Variants in SLC22A11 observed in about 807,000 individuals in gnomAD.
SLC22A11 encodes organic anion transporter 4.
In SLC22A11, 42 loss-of-function variants were observed where a neutral mutation model predicts 49.4. The ratio of observed to expected loss-of-function variants is 0.85; its 90% confidence interval spans 0.66 to 1.10. The LOEUF (loss-of-function observed/expected upper bound fraction) is 1.10. Among genes scored for constraint, SLC22A11 ranks in the 50% least tolerant of loss-of-function variants. The probability of loss-of-function intolerance (pLI) is 0.00; values close to 1 mark genes in which losing one functional copy is unlikely to be tolerated. For missense variants in SLC22A11, 685 were observed against 731.6 expected (o/e 0.94, Z 0.74); for synonymous variants, 304 against 315.8 (o/e 0.96, Z 0.40).
chr11:64,556,781 G>T (rs539692635), intron 1 of SLC22A11, among the ~76,000 whole-genome samples: 1 of 152,090 alleles, frequency 6.6e-6, no homozygotes, highest in Non-Finnish European at 1.5e-5. Flanking sequence ...GGTGACACAC[G>T]TCACCCTAGA....
chr11:64,556,039 G>C lies in SLC22A11; in HGVS notation c.40G>C (p.Gly14Arg), dbSNP rs1404469819. 2 of 1,613,120 alleles carry C rather than the reference G, an allele frequency of 1.2e-6. No individual in the cohort carries two copies. The highest frequency in any genetic ancestry group is 1.7e-6 in the Non-Finnish European group (2 of 1,179,984). The stretch of plus-strand genomic sequence containing the variant: ...GCTCTTGGAGCAAGCCGGAGGCGTG[G>C]GCCTCTTCCAGACCCTGCAGGTGCT... ...SKLLEQAGGVGLFQTLQVLTF... is the reference protein window; with the variant it reads ...SKLLEQAGGVRLFQTLQVLTF... Residue 14 changes from glycine to arginine, a missense_variant, in exon 1 of 10, where the codon GGC becomes CGC. Coordinates refer to ENST00000301891, the MANE Select transcript of SLC22A11 (RefSeq NM_018484.4).
In SLC22A11 at chr11:64,559,246, C is replaced by A; in HGVS notation, c.497+8C>A. ...GGGCCTCCTCTCCTACCGGTGAGTG[C>A]CTCCGCTCCTCCCAGCCCCCAGCTC... On this transcript the variant is annotated splice_region_variant and intron_variant, in intron 2 of 9. Coordinates refer to ENST00000301891, the MANE Select transcript of SLC22A11 (RefSeq NM_018484.4). 1 of 1,561,528 alleles carries A rather than the reference C, an allele frequency of 6.4e-7. No individual in the cohort carries two copies.
chr11:64,560,743 AC>A (rs927190811), intron 2 of SLC22A11, among the ~76,000 whole-genome samples: 2 of 152,074 alleles, frequency 1.3e-5, no homozygotes, highest in African/African-American at 4.8e-5. Flanking sequence ...GCACACAGGG[AC>A]CCAGGGACTG....
At chr11:64,569,945 T>G (rs1253499356) in intron 9 of SLC22A11, 87 bp downstream of exon 9, 30 of 1,247,484 alleles carry the variant, frequency 2.4e-5, no homozygotes, top group African/African-American at 1.3e-4. Context: ...GGGCAAAGGC[T>G]CAAGAGTACC....
intron 2 of SLC22A11, among the ~76,000 whole-genome samples, chr11:64,561,200 C>G (rs2038539346): frequency 6.6e-6 from 1 of 152,246 alleles, no homozygotes; most frequent in African/African-American, 2.4e-5. Context: ...TGCATCCGCC[C>G]CATGAGCACC....
At chr11:64,568,306 C>G (rs373956479) in intron 7 of SLC22A11, among the ~76,000 whole-genome samples, 1 of 152,134 alleles carries the variant, frequency 6.6e-6, no homozygotes, top group East Asian at 1.9e-4. Context: ...GGCAGGCTGG[C>G]GGGCAGCAGG....
Position 64,571,297 on chromosome 11 carries a change from G to A in SLC22A11, c.*255G>A. The A allele has an allele frequency of 2.0e-6, 1 of 499,644 alleles. No individual in the cohort carries two copies. The allele number at this position is 499,644 out of a possible 1,614,324, so 31.0% of individuals were successfully genotyped here. On this transcript the variant is annotated 3_prime_UTR_variant, in exon 10 of 10. Coordinates refer to ENST00000301891, the MANE Select transcript of SLC22A11 (RefSeq NM_018484.4). ...TACAGGAGCCTGTGCAGATGGCCAT[G>A]CCCAACCAATAACGAGACGGTTCCC...
chr11:64,565,013 G>A lies in SLC22A11; in HGVS notation c.943-209G>A, dbSNP rs1591375207. 6.6e-6 allele frequency among the ~76,000 whole-genome samples: 1 copy of A among 152,212 alleles called. No homozygotes were observed. Among genetic ancestry groups the A allele is most frequent in the East Asian group, 1.9e-4 (1 of 5,200 alleles). The stretch of plus-strand genomic sequence containing the variant: ...AGGCAAGCTAGAGCTGAGAGGACCA[G>A]GGCTGAGTCAAACCTGCAGAAGAGC... On this transcript the variant is annotated intron_variant, in intron 5 of 9. Transcript: ENST00000301891. The surrounding 1 kb of genome is among the most constrained non-coding windows in gnomAD (Gnocchi z 4.1).
chr11:64,561,881 A>G, intron 2 of SLC22A11, 123 bp from the exon 3 acceptor site: 2 of 1,200,884 alleles, frequency 1.7e-6, no homozygotes, highest in Non-Finnish European at 2.3e-6. Context: ...AGTTCCAAGA[A>G]GGAGGAGCTG....
chr11:64,555,971 C>A lies in SLC22A11; in HGVS notation c.-29C>A. The A allele has an allele frequency of 6.4e-7, 1 of 1,563,068 alleles. No individual in the cohort carries two copies. The highest frequency in any genetic ancestry group is 8.6e-7 in the Non-Finnish European group (1 of 1,157,968). On this transcript the variant is annotated 5_prime_UTR_variant, in exon 1 of 10. Coordinates refer to ENST00000301891, the MANE Select transcript of SLC22A11 (RefSeq NM_018484.4). ...CGGTTCCAAACAGCAGTTAGGTCAG[C>A]AGTCCGCTCAGCCGAGGCAGCTCTG...
Position 64,565,417 on chromosome 11 carries a change from G to A in SLC22A11, c.1058+80G>A, listed in dbSNP as rs767996871. The A allele has an allele frequency of 6.5e-6, 8 of 1,227,064 alleles. No individual in the cohort carries two copies. The highest frequency in any genetic ancestry group is 3.9e-5 in the South Asian group (3 of 77,342). 76.0% of individuals were successfully genotyped at this position (1,227,064 alleles called of 1,614,324 possible). ...AGCTGGGACAGGCAGGAGGCAGAGC[G>A]TCCAGGGGAAACAGCACCCGCAGGC... On this transcript the variant is annotated intron_variant, in intron 6 of 9. Coordinates refer to ENST00000301891, the MANE Select transcript of SLC22A11 (RefSeq NM_018484.4). This position sits in a 1 kb window ranked among gnomAD's most constrained non-coding sequence, Gnocchi z 4.1.
chr11:64,567,125 C>T (rs1486928612), intron 6 of SLC22A11, among the ~76,000 whole-genome samples: 1 of 152,126 alleles, frequency 6.6e-6, no homozygotes, highest in East Asian at 1.9e-4. Flanking sequence ...CTCCCAGGGG[C>T]TGGGGGACAG....
rs2038587973 is a variant in SLC22A11, at chr11:64,564,025, G to A, written c.822-283G>A. On this transcript the variant is annotated intron_variant, in intron 4 of 9. Coordinates refer to ENST00000301891, the MANE Select transcript of SLC22A11 (RefSeq NM_018484.4). This position sits in a 1 kb window ranked among gnomAD's most constrained non-coding sequence, Gnocchi z 4.2. ...AGGGACACCCATGCCCAGGCCACCTGTGCCCTGGCTGTGTGCAGGGCTCAG... is the reference window on the plus strand; with the variant it reads ...AGGGACACCCATGCCCAGGCCACCTATGCCCTGGCTGTGTGCAGGGCTCAG... Among the ~76,000 whole-genome samples, 1 of 152,176 alleles carries A rather than the reference G, an allele frequency of 6.6e-6. No individual in the cohort carries two copies. Among genetic ancestry groups the A allele is most frequent in the Admixed American group, 6.5e-5 (1 of 15,282 alleles).
At chr11:64,558,986 TGCA>T in intron 1 of SLC22A11, 146 bp from the exon 2 acceptor site, 1 of 675,098 alleles carries the variant, frequency 1.5e-6, no homozygotes, top group East Asian at 2.7e-5. Context: ...CATGGGGAGT[TGCA>T]GCCCCATGGC....
Position 64,563,945 on chromosome 11 carries a change from G to A in SLC22A11, c.822-363G>A, listed in dbSNP as rs181781387. Among the ~76,000 whole-genome samples the A allele has an allele frequency of 1.7e-3, 258 of 152,014 alleles. 1 individual carries two copies. The highest frequency in any genetic ancestry group is 5.9e-3 in the African/African-American group (243 of 41,476). On this transcript the variant is annotated intron_variant, in intron 4 of 9. Transcript: ENST00000301891. ...AAAAAACAAAAAAACCCAGCACCAA[G>A]TGACCTTTCTATCCTAGAAATAGCC...
chr11:64,570,737 C>T (rs1343829125), intron 9 of SLC22A11, among the ~76,000 whole-genome samples: 3 of 152,222 alleles, frequency 2.0e-5, no homozygotes, highest in African/African-American at 7.2e-5. Context: ...GGTTATATAA[C>T]TTGCCTAAGG....
intron 9 of SLC22A11, 25 bp downstream of exon 9, chr11:64,569,883 A>G: frequency 6.2e-7 from 1 of 1,608,110 alleles, no homozygotes; most frequent in Non-Finnish European, 8.5e-7. Flanking sequence ...ATCCCTGGGC[A>G]TCGGGCTGGG....
intron 2 of SLC22A11, among the ~76,000 whole-genome samples, chr11:64,560,594 TC>T (rs1361354307): frequency 1.3e-5 from 2 of 152,122 alleles, no homozygotes; most frequent in Non-Finnish European, 2.9e-5. Flanking sequence ...GAGGAGGCCC[TC>T]CGAGGCCACG....
rs1255783064 is a variant in SLC22A11 at position 64,564,273 on chromosome 11, C to G, written c.822-35C>G. ...CACCCCGCCCCGGGGGAGAGCCCAGCGTGCACTCCCAGCTACACACCTGCC... is the reference window on the plus strand; with the variant it reads ...CACCCCGCCCCGGGGGAGAGCCCAGGGTGCACTCCCAGCTACACACCTGCC... On this transcript the variant is annotated intron_variant, in intron 4 of 9. Transcript: ENST00000301891. The surrounding 1 kb of genome is among the most constrained non-coding windows in gnomAD (Gnocchi z 4.2). 6.2e-7 allele frequency: 1 copy of G among 1,612,494 alleles called. No homozygotes were observed. Among genetic ancestry groups the G allele is most frequent in the Non-Finnish European group, 8.5e-7 (1 of 1,179,158 alleles).
Sources: allele counts gnomAD v4.1 joint callset (sites outside exome capture counted in the v4.1 genomes callset), GRCh38; gene constraint gnomAD v4.1.1; non-coding constraint Gnocchi (gnomAD v3.1); transcripts MANE v1.5; gene names NCBI Gene and HGNC (gene_info 2026-07-23, HGNC 2026-07-21).